TOGARAM2: variants seen among roughly 807,000 people sequenced by gnomAD.
The protein encoded by TOGARAM2 is TOG array regulator of axonemal microtubules 2.
TOGARAM2 carries 85 observed loss-of-function variants against 93.3 expected under a neutral mutation model. That is an observed-to-expected ratio of 0.91 (90% CI 0.76 to 1.09). TOGARAM2 has a LOEUF of 1.09. Ranked by LOEUF, TOGARAM2 falls within the 50% of genes least tolerant of loss-of-function variation. The pLI is 0.00. For missense variants in TOGARAM2, 1,277 were observed against 1,334.5 expected (o/e 0.96, Z 0.67); for synonymous variants, 593 against 552.8 (o/e 1.07, Z -1.02).
At chr2:29,016,793 GCACT>G (rs1459124040) in intron 8 of TOGARAM2, among the ~76,000 whole-genome samples, 5 of 152,160 alleles carry the variant, frequency 3.3e-5, no homozygotes, top group Non-Finnish European at 7.3e-5. Context: ...CAGAGCTTTT[GCACT>G]CACTCCCTCT....
chr2:29,030,460 C>T (rs1347050910), intron 14 of TOGARAM2, among the ~76,000 whole-genome samples: 7 of 148,072 alleles, frequency 4.7e-5, no homozygotes, highest in South Asian at 2.1e-4. Flanking sequence ...TGCCATGCAA[C>T]GAAAAAAAAA....
chr2:28,968,559 G>A (rs1383066532), intron 1 of TOGARAM2, among the ~76,000 whole-genome samples: 1 of 152,040 alleles, frequency 6.6e-6, no homozygotes, highest in Non-Finnish European at 1.5e-5. Flanking sequence ...AAGTGTGCAT[G>A]ACTTTGGGAG....
At chr2:29,003,783 G>A (rs1300464484) in intron 6 of TOGARAM2, 101 bp downstream of exon 6, 2 of 1,135,422 alleles carry the variant, frequency 1.8e-6, no homozygotes, top group Non-Finnish European at 2.4e-6. Context: ...CTGTGGCAGA[G>A]TTCTTGGGAC....
At position 28,999,425 on chromosome 2, in the gene TOGARAM2, C is replaced by G. The variant is rs73922933; in HGVS notation, c.384C>G (p.Leu128=). The G allele has an allele frequency of 3.8e-4, 612 of 1,612,944 alleles. 3 individuals carry two copies. The African/African-American group carries it at 7.5e-3, about 20-fold the overall frequency. The change falls in exon 4 of 20, where the codon CTC becomes CTG. Residue 128 remains leucine, a synonymous_variant. Coordinates refer to ENST00000379558, the MANE Select transcript of TOGARAM2 (RefSeq NM_199280.4). ...ACACCATCCAGATTAAGGACAAGCT[C>G]AAGAAAAGGAGGCTCTCAGAGGGCT... ...ARDTIQIKDK[L]KKRRLSEGLA...
At chr2:28,994,179 C>A (rs1672874462) in intron 1 of TOGARAM2, among the ~76,000 whole-genome samples, 1 of 152,094 alleles carries the variant, frequency 6.6e-6, no homozygotes, top group Non-Finnish European at 1.5e-5. Flanking sequence ...GTGGGCAATG[C>A]GGTGGCTGAG....
In TOGARAM2 at chr2:28,999,371, G is replaced by A. The variant is rs779301924; in HGVS notation, c.330G>A (p.Pro110=). 6.2e-6 allele frequency: 10 copies of A among 1,613,258 alleles called. No homozygotes were observed. The highest frequency in any genetic ancestry group is 1.6e-4 in the Middle Eastern group (1 of 6,082). Residue 110 remains proline, a synonymous_variant, in exon 4 of 20, where the codon CCG becomes CCA. Coordinates refer to ENST00000379558, the MANE Select transcript of TOGARAM2 (RefSeq NM_199280.4). Reference sequence around the variant, plus strand: ...AGCCCCTGGTGCTCCTCCCTTCTCCGGAGTCAGAGGCCAACAGCGTGGCCA... The same window carrying A: ...AGCCCCTGGTGCTCCTCCCTTCTCCAGAGTCAGAGGCCAACAGCGTGGCCA... ...GDQPLVLLPS[P]ESEANSVARD...
chr2:29,009,775 C>A (rs1467457489), intron 6 of TOGARAM2, among the ~76,000 whole-genome samples: 1 of 151,962 alleles, frequency 6.6e-6, no homozygotes, highest in Non-Finnish European at 1.5e-5. Flanking sequence ...CTTTGCTGCT[C>A]CTGCTCCACC....
At chr2:29,007,704 A>G (rs1422170016) in intron 6 of TOGARAM2, among the ~76,000 whole-genome samples, 1 of 152,024 alleles carries the variant, frequency 6.6e-6, no homozygotes, top group Non-Finnish European at 1.5e-5. Context: ...CCTTTGTGTC[A>G]AGGACCCAGG....
At chr2:28,971,829 T>C (rs992305468) in intron 1 of TOGARAM2, among the ~76,000 whole-genome samples, 4 of 152,154 alleles carry the variant, frequency 2.6e-5, no homozygotes, top group African/African-American at 9.7e-5. Flanking sequence ...AATGATAAAT[T>C]TGTTATTTGA....
intron 2 of TOGARAM2, among the ~76,000 whole-genome samples, 155 bp downstream of exon 2, chr2:28,995,017 C>A (rs1235107358): frequency 6.6e-6 from 1 of 152,208 alleles, no homozygotes; most frequent in Non-Finnish European, 1.5e-5. Context: ...CTGGCCAGCT[C>A]CCCACATGCT....
In TOGARAM2 at chr2:28,994,734, G is replaced by A. The variant is rs992671604; in HGVS notation, c.-101G>A. On this transcript the variant is annotated 5_prime_UTR_variant, in exon 2 of 20. An upstream start codon of the reference 5' UTR is lost. Coordinates refer to ENST00000379558, the MANE Select transcript of TOGARAM2 (RefSeq NM_199280.4). ...CTCCTCTCACCCTTAGGTCCCGGATGTTACAGGTCAGAGCCCTCCAGACCC... is the reference window on the plus strand; with the variant it reads ...CTCCTCTCACCCTTAGGTCCCGGATATTACAGGTCAGAGCCCTCCAGACCC... 7 of 1,232,396 alleles carry A rather than the reference G, an allele frequency of 5.7e-6. No homozygotes were observed. In the Admixed American group the frequency reaches 1.2e-4, roughly 22 times the overall value. 76.3% of individuals were successfully genotyped at this position (1,232,396 alleles called of 1,614,324 possible).
intron 2 of TOGARAM2, among the ~76,000 whole-genome samples, chr2:28,997,133 G>C (rs1259633043): frequency 1.3e-5 from 2 of 152,210 alleles, no homozygotes; most frequent in African/African-American, 2.4e-5. Context: ...AAGTTAAAAA[G>C]CTTCTGTAGA....
intron 18 of TOGARAM2, among the ~76,000 whole-genome samples, chr2:29,044,659 G>A (rs1434757594): frequency 1.3e-5 from 2 of 151,966 alleles, no homozygotes; most frequent in African/African-American, 4.8e-5. Flanking sequence ...TGTCAGAGGA[G>A]CCTCTTGAGG....
At chr2:29,000,014 C>T (rs1673202912) in intron 4 of TOGARAM2, among the ~76,000 whole-genome samples, 1 of 152,176 alleles carries the variant, frequency 6.6e-6, no homozygotes, top group African/African-American at 2.4e-5. Flanking sequence ...GCTTCAAAGC[C>T]CTCCTCAAAG....
At chr2:29,011,933 C>T (rs375405733) in intron 7 of TOGARAM2, among the ~76,000 whole-genome samples, 14 of 152,168 alleles carry the variant, frequency 9.2e-5, no homozygotes, top group Admixed American at 6.5e-4. Context: ...CTGCCCCTTG[C>T]GGTGTGTTAA....
chr2:28,983,247 T>C (rs1023844882), intron 1 of TOGARAM2, among the ~76,000 whole-genome samples: 25 of 142,512 alleles, frequency 1.8e-4, no homozygotes, highest in Admixed American at 1.3e-3. Flanking sequence ...GTTTTTTCCA[T>C]GTTGCTCAGC....
intron 1 of TOGARAM2, among the ~76,000 whole-genome samples, chr2:28,965,414 T>C (rs547182508): frequency 6.6e-6 from 1 of 152,342 alleles, no homozygotes; most frequent in South Asian, 2.1e-4. Flanking sequence ...GGCTTGTTGT[T>C]AGCCCTGCTC....
intron 2 of TOGARAM2, among the ~76,000 whole-genome samples, chr2:28,997,528 C>T (rs548381901): frequency 1.9e-3 from 291 of 152,320 alleles, no homozygotes; most frequent in African/African-American, 6.5e-3. Flanking sequence ...TCTCACTGCA[C>T]AGAGAGTGTT....
At chr2:29,025,491 A>C (rs965663043) in intron 13 of TOGARAM2, among the ~76,000 whole-genome samples, 1 of 152,154 alleles carries the variant, frequency 6.6e-6, no homozygotes, top group Admixed American at 6.5e-5. Flanking sequence ...ATAATGGATA[A>C]AAGGTGCTGG....
Sources: gnomAD v4.1 joint callset for allele counts (sites outside exome capture counted in the v4.1 genomes callset) on GRCh38, gnomAD v4.1.1 for gene constraint, MANE v1.5 for transcripts, NCBI Gene and HGNC (gene_info 2026-07-23, HGNC 2026-07-21) for gene names.